CSMD1: variants seen among roughly 807,000 people sequenced by gnomAD.
The protein encoded by CSMD1 is CUB and sushi domain-containing protein 1.
Under a neutral mutation model 417.5 loss-of-function variants are expected in CSMD1, and 213 were observed. That is an observed-to-expected ratio of 0.51 (90% CI 0.46 to 0.57). CSMD1 has a LOEUF of 0.57. Ranked by LOEUF, CSMD1 falls within the 20% of genes least tolerant of loss-of-function variation. The probability of loss-of-function intolerance (pLI) is 0.00; values close to 1 mark genes in which losing one functional copy is unlikely to be tolerated. For missense variants in CSMD1, 6,923 were observed against 4,529.7 expected (o/e 1.53, Z -15.17); for synonymous variants, 2,862 against 1,736.8 (o/e 1.65, Z -16.11).
At chr8:3,996,021 T>C (rs559970427) in intron 5 of CSMD1, among the ~76,000 whole-genome samples, 1 of 152,204 alleles carries the variant, frequency 6.6e-6, no homozygotes, top group Non-Finnish European at 1.5e-5. Context: ...ATGACAAGGA[T>C]GATCAATTGT....
chr8:4,143,477 T>C (rs1182463510), intron 3 of CSMD1, among the ~76,000 whole-genome samples: 1 of 150,830 alleles, frequency 6.6e-6, no homozygotes, highest in East Asian at 1.9e-4. Context: ...GTTTAATATA[T>C]GGCTCATAGT....
chr8:4,027,225 A>C (rs1377281655), intron 4 of CSMD1, among the ~76,000 whole-genome samples: 2 of 152,182 alleles, frequency 1.3e-5, no homozygotes, highest in African/African-American at 2.4e-5. Context: ...CTTTATTCTC[A>C]TTGAGTCACC....
chr8:4,937,976 T>G lies in CSMD1; in HGVS notation c.85+56356A>C, dbSNP rs540410604. Among the ~76,000 whole-genome samples, 4 of 152,316 alleles carry G rather than the reference T, an allele frequency of 2.6e-5. 1 individual carries two copies. Among genetic ancestry groups the G allele is most frequent in the African/African-American group, 9.6e-5 (4 of 41,558 alleles). The stretch of plus-strand genomic sequence containing the variant: ...ATTTTAATCTGTTTTCAACAGTAGT[T>G]TTATTGGCCTTTGTGACTCATCCTC... On this transcript the variant is annotated intron_variant, in intron 1 of 69. Transcript: ENST00000635120.
intron 3 of CSMD1, among the ~76,000 whole-genome samples, chr8:4,323,342 A>T (rs903185919): frequency 6.6e-6 from 1 of 152,188 alleles, no homozygotes; most frequent in Non-Finnish European, 1.5e-5. Flanking sequence ...AATTCATGAA[A>T]AGTGAGAAAT....
At position 3,535,971 on chromosome 8, in the gene CSMD1, G is replaced by A. The variant is rs1005384126; in HGVS notation, c.1344+38974C>T. ...AGTCGGTTACAGTTATATGACAGAG[G>A]GCCATCCAGGGAGGGACTCTCCCAG... On this transcript the variant is annotated intron_variant, in intron 10 of 69. Transcript: ENST00000635120. Among the ~76,000 whole-genome samples the A allele has an allele frequency of 5.1e-4, 77 of 152,106 alleles. 3 individuals are homozygous for A. Among genetic ancestry groups the A allele is most frequent in the Admixed American group, 6.5e-4 (10 of 15,270 alleles).
At chr8:3,753,165 G>A (rs143067142) in intron 6 of CSMD1, among the ~76,000 whole-genome samples, 18 of 152,264 alleles carry the variant, frequency 1.2e-4, no homozygotes, top group East Asian at 7.7e-4. Flanking sequence ...CGTTCTCATC[G>A]TCACAATGTG....
At chr8:4,925,424 C>A (rs550691789) in intron 1 of CSMD1, among the ~76,000 whole-genome samples, 1 of 151,924 alleles carries the variant, frequency 6.6e-6, no homozygotes, top group African/African-American at 2.4e-5. Flanking sequence ...ATATACCTTT[C>A]CTACAGAACT....
intron 1 of CSMD1, among the ~76,000 whole-genome samples, chr8:4,741,188 G>T (rs974483036): frequency 1.3e-5 from 2 of 152,050 alleles, no homozygotes; most frequent in African/African-American, 4.8e-5. Flanking sequence ...AGTGTCAGAG[G>T]CATTTCAACA....
intron 5 of CSMD1, among the ~76,000 whole-genome samples, chr8:3,933,068 A>G (rs199627529): frequency 1.1e-4 from 1 of 9,098 alleles, no homozygotes; most frequent in Non-Finnish European, 2.4e-4. Flanking sequence ...TTATCTCATT[A>G]AAAAAAAACA....
chr8:4,245,132 T>A (rs929493821), intron 3 of CSMD1, among the ~76,000 whole-genome samples: 1 of 152,208 alleles, frequency 6.6e-6, no homozygotes, highest in Non-Finnish European at 1.5e-5. Flanking sequence ...TCACACAGAA[T>A]GTTCCATGGA....
At chr8:4,777,235 C>G (rs546863710) in intron 1 of CSMD1, among the ~76,000 whole-genome samples, 1 of 152,320 alleles carries the variant, frequency 6.6e-6, no homozygotes, top group African/African-American at 2.4e-5. Context: ...AGAAGCAGAG[C>G]ATCCTCTCTG....
chr8:4,030,189 C>T (rs987470525), intron 4 of CSMD1, among the ~76,000 whole-genome samples: 1 of 63,198 alleles, frequency 1.6e-5, no homozygotes, highest in South Asian at 8.7e-4. Flanking sequence ...TAGCCTTCTT[C>T]TCACAGCTCA....
chr8:3,263,628 G>C (rs538496267), intron 26 of CSMD1, among the ~76,000 whole-genome samples: 1 of 152,098 alleles, frequency 6.6e-6, no homozygotes, highest in Non-Finnish European at 1.5e-5. Context: ...ATTTTTGAGA[G>C]ATTGATAACA....
At chr8:3,946,409 C>T (rs989319172) in intron 5 of CSMD1, among the ~76,000 whole-genome samples, 2 of 152,122 alleles carry the variant, frequency 1.3e-5, no homozygotes, top group African/African-American at 4.8e-5. Context: ...ATTGAGCAAT[C>T]CCGCATCACC....
chr8:3,500,799 G>A (rs971204876), intron 10 of CSMD1, among the ~76,000 whole-genome samples: 4 of 152,198 alleles, frequency 2.6e-5, no homozygotes, highest in Admixed American at 2.6e-4. Flanking sequence ...CATGGAAGAA[G>A]CGCTAAAGTG....
chr8:4,806,867 C>T (rs1339648771), intron 1 of CSMD1, among the ~76,000 whole-genome samples: 2 of 152,238 alleles, frequency 1.3e-5, no homozygotes, highest in East Asian at 3.9e-4. Context: ...AAAACTGCAG[C>T]CTGAAAGATG....
intron 5 of CSMD1, among the ~76,000 whole-genome samples, chr8:3,881,608 C>CAAAAAAAA (rs370466578): frequency 2.0e-5 from 2 of 102,538 alleles, no homozygotes; most frequent in Non-Finnish European, 4.2e-5. Flanking sequence ...GACTCCATCT[C>CAAAAAAAA]AAAAAAAAAA....
intron 2 of CSMD1, among the ~76,000 whole-genome samples, chr8:4,553,538 A>G (rs1332121971): frequency 6.7e-6 from 1 of 150,198 alleles, no homozygotes; most frequent in Non-Finnish European, 1.5e-5. Context: ...TCTTTATGTG[A>G]TTTTTTTAGC....
At chr8:4,390,077 C>G (rs1011483524) in intron 3 of CSMD1, among the ~76,000 whole-genome samples, 1 of 152,206 alleles carries the variant, frequency 6.6e-6, no homozygotes, top group Admixed American at 6.5e-5. Context: ...AGAATTACCA[C>G]TTCTATGCAT....
Sources: allele counts gnomAD v4.1 joint callset (sites outside exome capture counted in the v4.1 genomes callset), GRCh38; gene constraint gnomAD v4.1.1; transcripts MANE v1.5; gene names NCBI Gene and HGNC (gene_info 2026-07-23, HGNC 2026-07-21).